Variants in SERPINA11 observed in about 807,000 individuals in gnomAD.
The protein encoded by SERPINA11 is serpin family A member 11.
SERPINA11 carries 28 observed loss-of-function variants against 29.4 expected under a neutral mutation model. That is an observed-to-expected ratio of 0.95 (90% CI 0.70 to 1.30). The LOEUF (loss-of-function observed/expected upper bound fraction) is 1.30, where lower values mean the gene tolerates loss of function less well. SERPINA11 is among the 50% of genes most tolerant of loss of function. The pLI is 0.00. For missense variants in SERPINA11, 530 were observed against 507.3 expected (o/e 1.04, Z -0.43); for synonymous variants, 253 against 206.6 (o/e 1.22, Z -1.92).
intron 4 of SERPINA11, 25 bp from the exon 5 acceptor site, chr14:94,442,834 C>A: frequency 6.4e-7 from 1 of 1,568,894 alleles, no homozygotes; most frequent in South Asian, 1.2e-5. Context: ...GAGATGAAGA[C>A]AGCATCAGTT....
rs778328531 is a variant in SERPINA11 at position 94,442,622 on chromosome 14, T to G, written c.1253A>C (p.Asn418Thr). The G allele has an allele frequency of 4.3e-6, 7 of 1,609,230 alleles. No individual in the cohort carries two copies. The South Asian group carries it at 6.7e-5, about 15-fold the overall frequency. The change falls in exon 5 of 5, where the codon AAC (asparagine) becomes ACC (threonine). Residue 418 changes from asparagine to threonine, a missense_variant. By Grantham distance (65) the Asn-to-Thr change is moderately conservative (BLOSUM62 0). Transcript: ENST00000334708. ...CCACCATGGTTACCCTGCAACTGGG[T>G]TGACAACTTTTCCCAGGAAGAGTAA... is the stretch of plus-strand genomic sequence containing the variant. Reference protein sequence around the residue: ...QSLLFLGKVVNPVAG With the variant: ...QSLLFLGKVVTPVAG
chr14:94,443,403 C>T (rs558839871), intron 3 of SERPINA11, among the ~76,000 whole-genome samples, 178 bp from the exon 4 acceptor site: 4 of 152,330 alleles, frequency 2.6e-5, no homozygotes, highest in Admixed American at 2.0e-4. Context: ...CCACAGCTCC[C>T]TTCTCTTTGG....
rs747108485 is a variant in SERPINA11, at chr14:94,443,044, A to G, written c.1065+34T>C. On this transcript the variant is annotated intron_variant, in intron 4 of 4. Coordinates refer to ENST00000334708, the MANE Select transcript of SERPINA11 (RefSeq NM_001080451.2). ...AAGGAGAAACCTCCTACCTACCCCCACCTGCCCACAAACATCCATGTTCAC... is the reference window on the plus strand; with the variant it reads ...AAGGAGAAACCTCCTACCTACCCCCGCCTGCCCACAAACATCCATGTTCAC... 3.8e-6 allele frequency: 6 copies of G among 1,588,246 alleles called. No homozygotes were observed. The South Asian group carries it at 7.0e-5, about 19-fold the overall frequency.
intron 3 of SERPINA11, among the ~76,000 whole-genome samples, chr14:94,444,704 C>A (rs1898405270): frequency 6.6e-6 from 1 of 152,242 alleles, no homozygotes; most frequent in African/African-American, 2.4e-5. Context: ...TGCCCAAACA[C>A]AAAATGCCTT....
intron 1 of SERPINA11, among the ~76,000 whole-genome samples, chr14:94,449,471 T>A (rs373216881): frequency 4.6e-5 from 5 of 108,638 alleles, no homozygotes; most frequent in Non-Finnish European, 8.9e-5. Context: ...CTTTCTTTCT[T>A]TCTTTCTTTC....
rs564700963 is a variant in SERPINA11 at position 94,443,758 on chromosome 14, G to A, written c.918-533C>T. 4.6e-5 allele frequency among the ~76,000 whole-genome samples: 7 copies of A among 152,226 alleles called. No individual in the cohort carries two copies. In the East Asian group the frequency reaches 9.7e-4, roughly 21 times the overall value. On this transcript the variant is annotated intron_variant, in intron 3 of 4. Transcript: ENST00000334708. The stretch of plus-strand genomic sequence containing the variant: ...TGGCATGGTGATGCCCCCTCCTTGG[G>A]GCTGTTGTGAGGATCTGATGGGAGA...
rs560483619 is a variant in SERPINA11, at chr14:94,449,564, T to TTTCC, written c.-3-791_-3-788dup. ...CTTTCTCTTTCTCTTTCTTTCTTTC[T>TTTCC]TTCCTTCCTTCCTTCCTTCCTTCCC... On this transcript the variant is annotated intron_variant, in intron 1 of 4. Transcript: ENST00000334708. Among the ~76,000 whole-genome samples the TTTCC allele has an allele frequency of 7.6e-4, 114 of 150,066 alleles. 2 individuals are homozygous for TTTCC. The East Asian group carries it at 0.01, about 13-fold the overall frequency.
At chr14:94,443,846 A>T (rs749355640) in intron 3 of SERPINA11, among the ~76,000 whole-genome samples, 5 of 152,156 alleles carry the variant, frequency 3.3e-5, no homozygotes, top group Admixed American at 6.5e-5. Context: ...CATCTTTACC[A>T]TCTGATTGCC....
At chr14:94,449,075 G>T (rs1033494291) in intron 1 of SERPINA11, among the ~76,000 whole-genome samples, 1 of 152,212 alleles carries the variant, frequency 6.6e-6, no homozygotes, top group Admixed American at 6.5e-5. Flanking sequence ...TCCTGGCCAG[G>T]CATGTTGGCT....
At chr14:94,449,457 C>CTTTCT in intron 1 of SERPINA11, among the ~76,000 whole-genome samples, 1 of 116,484 alleles carries the variant, frequency 8.6e-6, no homozygotes, top group African/African-American at 4.6e-5. Flanking sequence ...TTCTTTCTTT[C>CTTTCT]TTTCTTTCTT....
chr14:94,448,300 C>G lies in SERPINA11; in HGVS notation c.475G>C (p.Glu159Gln), dbSNP rs372977604. The G allele has an allele frequency of 1.5e-5, 25 of 1,614,130 alleles. 1 individual carries two copies. Among genetic ancestry groups the G allele is most frequent in the Non-Finnish European group, 2.0e-5 (24 of 1,180,060 alleles). The change falls in exon 2 of 5, where the codon GAG (glutamate) becomes CAG (glutamine). Residue 159 changes from glutamate (E) to glutamine (Q), a missense_variant. Transcript: ENST00000334708. ...PRQHYLDSIK[E>Q]LYGAFAFSAN... Reference sequence around the variant, plus strand: ...GAAAAAGCAAAAGCTCCATAAAGCTCCTTGATGCTGTCCAAATAGTGCTGC... The same window carrying G: ...GAAAAAGCAAAAGCTCCATAAAGCTGCTTGATGCTGTCCAAATAGTGCTGC...
rs184428626 is a variant in SERPINA11 at position 94,447,060 on chromosome 14, A to G, written c.644-456T>C. ...GCAAACACTGAATTAATCCTTCTCA[A>G]CCAAACTGCCTCTAGACAACAACCT... On this transcript the variant is annotated intron_variant, in intron 2 of 4. Transcript: ENST00000334708. 2.6e-5 allele frequency among the ~76,000 whole-genome samples: 4 copies of G among 152,326 alleles called. No individual in the cohort carries two copies. The East Asian group carries it at 7.7e-4, about 29-fold the overall frequency.
At position 94,443,093 on chromosome 14, in the gene SERPINA11, G is replaced by A. The variant is rs759808489; in HGVS notation, c.1050C>T (p.Asn350=). 2 of 1,612,174 alleles carry A rather than the reference G, an allele frequency of 1.2e-6. No individual in the cohort carries two copies. Among genetic ancestry groups the A allele is most frequent in the Non-Finnish European group, 8.5e-7 (1 of 1,179,308 alleles). The part of the protein sequence containing the change: ...ADFSGVTGQL[N]KTISKVSHKA... ...ACCACTTTACCTTGGAGATGGTTTT[G>A]TTGAGCTGCCCAGTGACTCCTGAGA... The change falls in exon 4 of 5, where the codon AAC becomes AAT. Residue 350 remains asparagine (N), a synonymous_variant. Coordinates refer to ENST00000334708, the MANE Select transcript of SERPINA11 (RefSeq NM_001080451.2).
chr14:94,448,236 A>G lies in SERPINA11; in HGVS notation c.539T>C (p.Ile180Thr). ...FTDSVTTGRQ[I>T]NDYLRRQTYG... The stretch of plus-strand genomic sequence containing the variant: ...TGTTTGCCTTCTCAAATAGTCATTA[A>G]TCTGCCTCCCAGTTGTAACAGAATC... The change falls in exon 2 of 5, where the codon ATT (isoleucine) becomes ACT (threonine). Residue 180 changes from isoleucine (I) to threonine (T), a missense_variant. Transcript: ENST00000334708. The G allele has an allele frequency of 9.3e-6, 15 of 1,614,244 alleles. No individual in the cohort carries two copies. Among genetic ancestry groups the G allele is most frequent in the Non-Finnish European group, 1.2e-5 (14 of 1,180,048 alleles).
chr14:94,445,200 CA>C (rs1470670806), intron 3 of SERPINA11, among the ~76,000 whole-genome samples: 1 of 152,196 alleles, frequency 6.6e-6, no homozygotes, highest in Non-Finnish European at 1.5e-5. Flanking sequence ...CCTACTCCAA[CA>C]CATGAAAACT....
chr14:94,443,865 C>G (rs1258052057), intron 3 of SERPINA11, among the ~76,000 whole-genome samples: 1 of 152,202 alleles, frequency 6.6e-6, no homozygotes, highest in Non-Finnish European at 1.5e-5. Context: ...CCACATTTCC[C>G]TGGGTTAAGT....
At chr14:94,449,477 CTT>C (rs1566784748) in intron 1 of SERPINA11, among the ~76,000 whole-genome samples, 5 of 105,602 alleles carry the variant, frequency 4.7e-5, no homozygotes, top group African/African-American at 2.6e-4. Flanking sequence ...TTCTTTCTTT[CTT>C]TCTGTCTGTC....
rs1383587898 is a variant in SERPINA11 at position 94,443,098 on chromosome 14, G to T, written c.1045C>A (p.Leu349Ile). 3.7e-6 allele frequency: 6 copies of T among 1,612,684 alleles called. No individual in the cohort carries two copies. Among genetic ancestry groups the T allele is most frequent in the Non-Finnish European group, 5.1e-6 (6 of 1,179,500 alleles). The change falls in exon 4 of 5, where the codon CTC becomes ATC. Residue 349 changes from leucine to isoleucine, a missense_variant. Transcript: ENST00000334708. ...TTTACCTTGGAGATGGTTTTGTTGA[G>T]CTGCCCAGTGACTCCTGAGAAGTCA... is the stretch of plus-strand genomic sequence containing the variant. ...EADFSGVTGQ[L>I]NKTISKVSHK...
At position 94,449,404 on chromosome 14, in the gene SERPINA11, CTATTCTT is replaced by C. The variant is rs1417887563; in HGVS notation, c.-3-634_-3-628del. On this transcript the variant is annotated intron_variant, in intron 1 of 4. Coordinates refer to ENST00000334708, the MANE Select transcript of SERPINA11 (RefSeq NM_001080451.2). ...AGCCTCCCTCCCTCTTTCTTTCTTT[CTATTCTT>C]TCTTTCTTTCTTTCTTTCTTTCTTT... 1.7e-3 allele frequency among the ~76,000 whole-genome samples: 54 copies of C among 31,580 alleles called. 2 individuals are homozygous for C. The highest frequency in any genetic ancestry group is 5.5e-3 in the African/African-American group (53 of 9,638). 20.7% of individuals were successfully genotyped at this position (31,580 alleles called of 152,430 possible). A position where few individuals can be genotyped will look rare whatever the true frequency, so the allele number is the denominator to read the frequency against.
Sources: gnomAD v4.1 joint callset for allele counts (sites outside exome capture counted in the v4.1 genomes callset) on GRCh38, gnomAD v4.1.1 for gene constraint, MANE v1.5 for transcripts, NCBI Gene and HGNC (gene_info 2026-07-23, HGNC 2026-07-21) for gene names.